FNTB: variants seen among roughly 807,000 people sequenced by gnomAD.
FNTB encodes farnesyltransferase, CAAX box, subunit beta.
In FNTB, 27 loss-of-function variants were observed where a neutral mutation model predicts 59.4. That is an observed-to-expected ratio of 0.45 (90% CI 0.34 to 0.63). FNTB has a LOEUF of 0.63. Ranked by LOEUF, FNTB falls within the 20% of genes least tolerant of loss-of-function variation. FNTB has a pLI of 0.02. For synonymous variants in FNTB, 230 were observed against 220.7 expected (o/e 1.04, Z -0.37); for missense variants, 449 against 559.6 (o/e 0.80, Z 1.99).
At chr14:65,060,125 G>A (rs961659031) in intron 11 of FNTB, among the ~76,000 whole-genome samples, 14 of 151,462 alleles carry the variant, frequency 9.2e-5, no homozygotes, top group Non-Finnish European at 1.8e-4. Flanking sequence ...GAGCCACCGC[G>A]TCCGGCCCCC....
At position 65,062,193 on chromosome 14, in the gene FNTB, C is replaced by T. The variant is rs1226096438; in HGVS notation, c.*881C>T. The T allele has an allele frequency of 2.0e-5, 3 of 152,434 alleles. No individual in the cohort carries two copies. The highest frequency in any genetic ancestry group is 2.0e-4 in the Admixed American group (3 of 15,292). The allele number at this position is 152,434 out of a possible 1,614,324, so 9.4% of individuals were successfully genotyped here. A position where few individuals can be genotyped will look rare whatever the true frequency, so the allele number is the denominator to read the frequency against. ...TATCTTTCTTCCACCAGACTCCAAG[C>T]CCACTCTCCTCCAAGACTGTGTTGT... is the stretch of plus-strand genomic sequence containing the variant. On this transcript the variant is annotated 3_prime_UTR_variant, in exon 12 of 12. Coordinates refer to ENST00000246166, the MANE Select transcript of FNTB (RefSeq NM_002028.4). The surrounding 1 kb of genome is among the most constrained non-coding windows in gnomAD (Gnocchi z 4.3).
intron 1 of FNTB, among the ~76,000 whole-genome samples, chr14:64,996,083 A>G (rs141052883): frequency 3.2e-4 from 47 of 147,826 alleles, no homozygotes; most frequent in African/African-American, 1.1e-3. Flanking sequence ...AGATCATGCT[A>G]TTGCACTCCA....
At position 65,014,833 on chromosome 14, in the gene FNTB, A is replaced by T. The variant is rs2061740342; in HGVS notation, c.283-792A>T. ...TGTCTCAAAAAAATAAACGGTAGAA[A>T]CCAAATTTTATTATCATCCCCCCAG... On this transcript the variant is annotated intron_variant, in intron 3 of 11. Transcript: ENST00000246166. The surrounding 1 kb of genome is among the most constrained non-coding windows in gnomAD (Gnocchi z 5.1). Among the ~76,000 whole-genome samples the T allele has an allele frequency of 6.6e-6, 1 of 152,142 alleles. No homozygotes were observed. The highest frequency in any genetic ancestry group is 2.4e-5 in the African/African-American group (1 of 41,428).
chr14:65,033,897 T>A (rs1287302868), intron 7 of FNTB, among the ~76,000 whole-genome samples: 1 of 152,198 alleles, frequency 6.6e-6, no homozygotes, highest in African/African-American at 2.4e-5. Flanking sequence ...ATATATACTA[T>A]GATGGAATGA....
chr14:65,053,474 T>G, intron 10 of FNTB, 125 bp downstream of exon 10: 1 of 821,152 alleles, frequency 1.2e-6, no homozygotes. Flanking sequence ...TGCATAGCGC[T>G]AGGTTGTATG....
At chr14:65,008,570 A>G (rs1024525479) in intron 2 of FNTB, among the ~76,000 whole-genome samples, 1 of 152,242 alleles carries the variant, frequency 6.6e-6, no homozygotes, top group African/African-American at 2.4e-5. Context: ...GAAGTTAGGG[A>G]AGGCTTCTTA....
intron 7 of FNTB, among the ~76,000 whole-genome samples, chr14:65,033,607 C>T (rs1355175268): frequency 6.6e-6 from 1 of 152,164 alleles, no homozygotes; most frequent in East Asian, 1.9e-4. Flanking sequence ...CCTGTAATTC[C>T]AGCACTTTGG....
At chr14:65,019,054 C>T (rs752630350) in intron 4 of FNTB, among the ~76,000 whole-genome samples, 14 of 151,990 alleles carry the variant, frequency 9.2e-5, no homozygotes, top group South Asian at 2.1e-4. Flanking sequence ...ACTGCACTCC[C>T]GGCTCCTACT....
In FNTB at chr14:64,990,334, G is replaced by T. The variant is rs193288415; in HGVS notation, c.144+3237G>T. On this transcript the variant is annotated intron_variant, in intron 1 of 11. Coordinates refer to ENST00000246166, the MANE Select transcript of FNTB (RefSeq NM_002028.4). The surrounding 1 kb of genome is among the most constrained non-coding windows in gnomAD (Gnocchi z 5.2). ...TGACAGGTTGCCTTGCTTTATGGCT[G>T]CGGGCCATGGGAAGTATTGCTGGGG... is the stretch of plus-strand genomic sequence containing the variant. 7.9e-5 allele frequency among the ~76,000 whole-genome samples: 12 copies of T among 152,296 alleles called. No individual in the cohort carries two copies. The East Asian group carries it at 1.9e-3, about 25-fold the overall frequency.
intron 1 of FNTB, among the ~76,000 whole-genome samples, chr14:64,996,447 G>C (rs1594986131): frequency 6.6e-6 from 1 of 152,224 alleles, no homozygotes; most frequent in Non-Finnish European, 1.5e-5. Flanking sequence ...GAGAAGGTGA[G>C]AGAGGTACTG....
intron 2 of FNTB, chr14:65,006,107 C>T (rs1168772157): frequency 6.3e-7 from 1 of 1,585,594 alleles, no homozygotes; most frequent in East Asian, 2.2e-5. Flanking sequence ...GGTACTTCTG[C>T]TTACTGGAAC....
At position 65,012,328 on chromosome 14, in the gene FNTB, A is replaced by G; in HGVS notation, c.221A>G (p.Gln74Arg). 3.7e-6 allele frequency: 6 copies of G among 1,614,154 alleles called. No individual in the cohort carries two copies. Among genetic ancestry groups the G allele is most frequent in the African/African-American group, 1.3e-5 (1 of 75,056 alleles). Residue 74 changes from glutamine (Q) to arginine (R), a missense_variant, in exon 3 of 12, where the codon CAG becomes CGG. Physicochemically the swap from Gln to Arg is conservative, Grantham distance 43. Transcript: ENST00000246166. The surrounding 1 kb of genome is among the most constrained non-coding windows in gnomAD (Gnocchi z 5.0). ...FNHLVPRLVLQREKHFHYLKR... is the reference protein window; with the variant it reads ...FNHLVPRLVLRREKHFHYLKR... ...GTTTGTCTTTCCAGGCTTGTTTTGC[A>G]GAGGGAGAAGCACTTCCATTATCTG...
At chr14:65,051,892 T>C (rs2062621737) in intron 9 of FNTB, among the ~76,000 whole-genome samples, 1 of 151,814 alleles carries the variant, frequency 6.6e-6, no homozygotes, top group Non-Finnish European at 1.5e-5. Context: ...CCTCCTGGGT[T>C]CACGCCATTC....
chr14:65,044,279 T>C lies in FNTB; in HGVS notation c.823-32T>C. 6.2e-7 allele frequency: 1 copy of C among 1,610,474 alleles called. No individual in the cohort carries two copies. Among genetic ancestry groups the C allele is most frequent in the Non-Finnish European group, 8.5e-7 (1 of 1,178,592 alleles). ...GGGCTGGATTTTGTCTCTTTTAGCCTACAACTGCCTTTCCCATCTGTGTCT... is the reference window on the plus strand; with the variant it reads ...GGGCTGGATTTTGTCTCTTTTAGCCCACAACTGCCTTTCCCATCTGTGTCT... On this transcript the variant is annotated intron_variant, in intron 8 of 11. Coordinates refer to ENST00000246166, the MANE Select transcript of FNTB (RefSeq NM_002028.4). This position sits in a 1 kb window ranked among gnomAD's most constrained non-coding sequence, Gnocchi z 5.5.
chr14:64,991,019 G>C lies in FNTB; in HGVS notation c.144+3922G>C, dbSNP rs111864851. On this transcript the variant is annotated intron_variant, in intron 1 of 11. Transcript: ENST00000246166. This position sits in a 1 kb window ranked among gnomAD's most constrained non-coding sequence, Gnocchi z 4.4. Reference sequence around the variant, plus strand: ...CCTGCCTTCCTTATTGTGCCATCTGGAATCATCCCATTGCAGACACTCTGA... The same window carrying C: ...CCTGCCTTCCTTATTGTGCCATCTGCAATCATCCCATTGCAGACACTCTGA... Among the ~76,000 whole-genome samples the C allele has an allele frequency of 4.4e-3, 675 of 152,254 alleles. 6 individuals carry two copies. Among genetic ancestry groups the C allele is most frequent in the African/African-American group, 0.015 (616 of 41,538 alleles).
chr14:64,990,637 C>T lies in FNTB; in HGVS notation c.144+3540C>T, dbSNP rs1426080795. On this transcript the variant is annotated intron_variant, in intron 1 of 11. Transcript: ENST00000246166. The surrounding 1 kb of genome is among the most constrained non-coding windows in gnomAD (Gnocchi z 5.2). The stretch of plus-strand genomic sequence containing the variant: ...TCCTTTATAAACTCTCCTCAAATCA[C>T]CCACTTTGTGCCATCTGTTTCCTGC... Among the ~76,000 whole-genome samples, 1 of 152,220 alleles carries T rather than the reference C, an allele frequency of 6.6e-6. No homozygotes were observed. The highest frequency in any genetic ancestry group is 1.5e-5 in the Non-Finnish European group (1 of 68,040).
At chr14:65,017,810 C>T (rs1482771547) in intron 4 of FNTB, among the ~76,000 whole-genome samples, 1 of 151,916 alleles carries the variant, frequency 6.6e-6, no homozygotes, top group African/African-American at 2.4e-5. Context: ...CAAAAATTAG[C>T]TGGGCATGGT....
At position 65,031,660 on chromosome 14, in the gene FNTB, C is replaced by T. The variant is rs1051231836; in HGVS notation, c.606-950C>T. Among the ~76,000 whole-genome samples the T allele has an allele frequency of 1.3e-5, 2 of 152,078 alleles. No individual in the cohort carries two copies. Among genetic ancestry groups the T allele is most frequent in the African/African-American group, 4.8e-5 (2 of 41,412 alleles). On this transcript the variant is annotated intron_variant, in intron 6 of 11. Transcript: ENST00000246166. This position sits in a 1 kb window ranked among gnomAD's most constrained non-coding sequence, Gnocchi z 4.6. ...AATAGCCCGGGCGCGGTGGCTTATG[C>T]CTGTAATCCCAGCACTTTGGGAGGC...
At chr14:65,048,207 T>A (rs1473906090) in intron 9 of FNTB, among the ~76,000 whole-genome samples, 1 of 151,806 alleles carries the variant, frequency 6.6e-6, no homozygotes. Flanking sequence ...GGTCTCAAAC[T>A]CCTGGCCTCA....
Sources: allele counts gnomAD v4.1 joint callset (sites outside exome capture counted in the v4.1 genomes callset), GRCh38; gene constraint gnomAD v4.1.1; non-coding constraint Gnocchi (gnomAD v3.1); transcripts MANE v1.5; gene names NCBI Gene and HGNC (gene_info 2026-07-23, HGNC 2026-07-21).